The following PTPRG variants were observed in gnomAD, a reference collection of about 807,000 sequenced individuals.
The protein encoded by PTPRG is receptor-type tyrosine-protein phosphatase gamma.
Under a neutral mutation model 165.3 loss-of-function variants are expected in PTPRG, and 102 were observed. The ratio of observed to expected loss-of-function variants is 0.62; its 90% CI spans 0.53 to 0.73. The LOEUF (loss-of-function observed/expected upper bound fraction) is 0.73, where lower values mean the gene tolerates loss of function less well. Ranked by LOEUF, PTPRG falls within the 30% of genes least tolerant of loss-of-function variation. PTPRG has a pLI of 0.00. For missense variants in PTPRG, 1,866 were observed against 1,861.4 expected, an observed-to-expected ratio of 1.00 and a Z score of -0.05; for synonymous variants, 675 against 669.5, an observed-to-expected ratio of 1.01 and a Z score of -0.13.
intron 1 of PTPRG, among the ~76,000 whole-genome samples, chr3:61,734,487 AAGGAGTGTTTATTTTTCAGAATTCACCC>A (rs1161898067): frequency 6.6e-6 from 1 of 152,158 alleles, no homozygotes; most frequent in African/African-American, 2.4e-5. Flanking sequence ...GTAATATTTA[AAGGAGTGTTTATTTTTCAGAATTCACCC>A]AGGATTTCTG....
In PTPRG at chr3:61,774,594, C is replaced by G. The variant is rs574169484; in HGVS notation, c.190+25612C>G. Among the ~76,000 whole-genome samples the G allele has an allele frequency of 1.2e-4, 19 of 152,298 alleles. No individual in the cohort carries two copies. The East Asian group carries it at 3.5e-3, about 28-fold the overall frequency. Reference sequence around the variant, plus strand: ...TTTCAAGTCTGTTCCAGTTTGTTTTCTGTTTAAAAGGCTGGATGTGTCTTG... The same window carrying G: ...TTTCAAGTCTGTTCCAGTTTGTTTTGTGTTTAAAAGGCTGGATGTGTCTTG... On this transcript the variant is annotated intron_variant, in intron 2 of 29. Transcript: ENST00000474889.
At chr3:61,652,816 G>T (rs990053397) in intron 1 of PTPRG, among the ~76,000 whole-genome samples, 1 of 152,140 alleles carries the variant, frequency 6.6e-6, no homozygotes, top group Non-Finnish European at 1.5e-5. Context: ...AACATCCAGG[G>T]GTAGTCAAAT....
intron 5 of PTPRG, among the ~76,000 whole-genome samples, chr3:62,089,653 G>C (rs573580093): frequency 1.6e-4 from 25 of 152,308 alleles, no homozygotes; most frequent in African/African-American, 5.8e-4. Context: ...TTTGGGGTCT[G>C]TTGGGAGCTA....
rs1276409554 is a variant in PTPRG, at chr3:62,040,224, T to G, written c.519+36727T>G. Among the ~76,000 whole-genome samples, 3 of 152,326 alleles carry G rather than the reference T, an allele frequency of 2.0e-5. No individual in the cohort carries two copies. In the South Asian group the frequency reaches 6.2e-4, roughly 32 times the overall value. On this transcript the variant is annotated intron_variant, in intron 4 of 29. Coordinates refer to ENST00000474889, the MANE Select transcript of PTPRG (RefSeq NM_002841.4). Reference sequence around the variant, plus strand: ...TTATATTTCACATACCAAAGTACATTCCAAGTTTCACAAATTGGAGACAAT... The same window carrying G: ...TTATATTTCACATACCAAAGTACATGCCAAGTTTCACAAATTGGAGACAAT...
intron 4 of PTPRG, among the ~76,000 whole-genome samples, chr3:62,008,632 A>C (rs997759628): frequency 6.6e-6 from 1 of 152,142 alleles, no homozygotes; most frequent in Non-Finnish European, 1.5e-5. Flanking sequence ...GCGGTCCCCA[A>C]CCTTTTCGAC....
intron 3 of PTPRG, 57 bp from the exon 4 acceptor site, chr3:62,003,292 C>T: frequency 6.4e-7 from 1 of 1,558,028 alleles, no homozygotes; most frequent in Non-Finnish European, 8.7e-7. Context: ...AACAGAAAAA[C>T]TCCATTTGGT....
intron 2 of PTPRG, among the ~76,000 whole-genome samples, chr3:61,885,229 G>A (rs2037995162): frequency 6.6e-6 from 1 of 152,002 alleles, no homozygotes. Flanking sequence ...AGCAGACACT[G>A]GGCAAAATGT....
Position 61,564,772 on chromosome 3 carries a change from C to T in PTPRG, c.85+2400C>T, listed in dbSNP as rs182057412. 1.8e-3 allele frequency among the ~76,000 whole-genome samples: 277 copies of T among 152,292 alleles called. 2 individuals carry two copies. The highest frequency in any genetic ancestry group is 6.4e-3 in the African/African-American group (264 of 41,574). On this transcript the variant is annotated intron_variant, in intron 1 of 29. Transcript: ENST00000474889. ...CTCCTGCCACCTCCACACTGGTCGG[C>T]CTCGGCCACCTCCACGCCTCAGGGA...
chr3:62,003,504 G>T lies in PTPRG; in HGVS notation c.519+7G>T. The T allele has an allele frequency of 6.2e-7, 1 of 1,613,512 alleles. No individual in the cohort carries two copies. Among genetic ancestry groups the T allele is most frequent in the Non-Finnish European group, 8.5e-7 (1 of 1,179,720 alleles). ...CAGGAGGTTTCCTGTTGAGGTGAGA[G>T]AAAGTCAAGATCTCAACGTGTAGCT... On this transcript the variant is annotated splice_region_variant and intron_variant, in intron 4 of 29. Transcript: ENST00000474889.
At chr3:62,257,966 GA>G (rs1283532478) in intron 16 of PTPRG, among the ~76,000 whole-genome samples, 2 of 151,868 alleles carry the variant, frequency 1.3e-5, no homozygotes, top group Non-Finnish European at 2.9e-5. Flanking sequence ...CCTGTCTCAG[GA>G]AAAAACACCA....
At chr3:61,747,643 T>C (rs2033262978) in intron 1 of PTPRG, among the ~76,000 whole-genome samples, 1 of 152,240 alleles carries the variant, frequency 6.6e-6, no homozygotes, top group Admixed American at 6.5e-5. Context: ...TTCTTAATTT[T>C]TTTTAATGAC....
intron 16 of PTPRG, chr3:62,261,707 GA>G (rs1374310044): frequency 6.6e-6 from 1 of 151,356 alleles, no homozygotes; most frequent in Non-Finnish European, 1.5e-5. Context: ...TGAACACACA[GA>G]AATTCTTTGC....
At chr3:61,565,515 C>A (rs1437448309) in intron 1 of PTPRG, among the ~76,000 whole-genome samples, 2 of 152,054 alleles carry the variant, frequency 1.3e-5, no homozygotes, top group African/African-American at 4.8e-5. Flanking sequence ...TACATATCTC[C>A]AATCACTGGG....
chr3:61,700,065 G>A (rs2030869227), intron 1 of PTPRG, among the ~76,000 whole-genome samples: 1 of 152,072 alleles, frequency 6.6e-6, no homozygotes, highest in Non-Finnish European at 1.5e-5. Flanking sequence ...TGGTCCTCTT[G>A]GAATTGATCC....
intron 2 of PTPRG, among the ~76,000 whole-genome samples, chr3:61,819,634 G>A (rs1378457658): frequency 6.6e-6 from 1 of 152,154 alleles, no homozygotes; most frequent in Non-Finnish European, 1.5e-5. Flanking sequence ...ACTTTAGTCT[G>A]ATCAAGCTTC....
chr3:61,573,031 T>C (rs1472452424), intron 1 of PTPRG, among the ~76,000 whole-genome samples: 1 of 152,240 alleles, frequency 6.6e-6, no homozygotes, highest in Non-Finnish European at 1.5e-5. Flanking sequence ...CAATCTTGCT[T>C]ATGAAGCTGA....
chr3:62,171,408 AT>A (rs897557826), intron 8 of PTPRG, among the ~76,000 whole-genome samples: 8 of 152,168 alleles, frequency 5.3e-5, no homozygotes, highest in African/African-American at 1.2e-4. Context: ...TTTTTACAGC[AT>A]TTTTTTAAAG....
At chr3:62,158,348 G>A (rs1704619430) in intron 7 of PTPRG, among the ~76,000 whole-genome samples, 1 of 152,190 alleles carries the variant, frequency 6.6e-6, no homozygotes, top group Admixed American at 6.5e-5. Flanking sequence ...GGAACGATGG[G>A]TAGGATTTGT....
chr3:62,273,896 G>A lies in PTPRG; in HGVS notation c.3465+52G>A, dbSNP rs1373568723. The A allele has an allele frequency of 6.3e-7, 1 of 1,577,352 alleles. No homozygotes were observed. Among genetic ancestry groups the A allele is most frequent in the African/African-American group, 1.3e-5 (1 of 74,204 alleles). On this transcript the variant is annotated intron_variant, in intron 23 of 29. Coordinates refer to ENST00000474889, the MANE Select transcript of PTPRG (RefSeq NM_002841.4). The surrounding 1 kb of genome is among the most constrained non-coding windows in gnomAD (Gnocchi z 4.1). ...CATAAAGCAAGAAAATGTTTTAAAT[G>A]CCTTGAGTTTGGGGGTTATGTCTTC...
Sources: allele counts gnomAD v4.1 joint callset (sites outside exome capture counted in the v4.1 genomes callset), GRCh38; gene constraint gnomAD v4.1.1; non-coding constraint Gnocchi (gnomAD v3.1); transcripts MANE v1.5; gene names NCBI Gene and HGNC (gene_info 2026-07-23, HGNC 2026-07-21).